C14orf39: variants seen among roughly 807,000 people sequenced by gnomAD.
C14orf39 encodes protein SIX6OS1.
C14orf39 carries 66 observed loss-of-function variants against 85.6 expected under a neutral mutation model. The observed-to-expected ratio is 0.77, with a 90% CI of 0.63 to 0.95. The LOEUF (loss-of-function observed/expected upper bound fraction) is 0.95, where lower values mean the gene tolerates loss of function less well. Among genes scored for constraint, C14orf39 ranks in the 40% least tolerant of loss-of-function variants. C14orf39 has a pLI of 0.00. For synonymous variants in C14orf39, 242 were observed against 214.0 expected (o/e 1.13, Z -1.14); for missense variants, 735 against 663.9 (o/e 1.11, Z -1.18).
chr14:60,497,013 T>C (rs929734566), intron 2 of C14orf39: 3 of 152,270 alleles, frequency 2.0e-5, no homozygotes, highest in African/African-American at 7.2e-5. Context: ...ATTCTTATCA[T>C]GGCCTACAGG....
chr14:60,484,419 G>C lies in C14orf39; in HGVS notation c.106+462C>G, dbSNP rs1347538201. 6.6e-6 allele frequency among the ~76,000 whole-genome samples: 1 copy of C among 152,042 alleles called. No homozygotes were observed. ...GAACTCTATTTTTTATAGTTGTTTT[G>C]TTGGATCTTAAAATACTATACAGTA... On this transcript the variant is annotated intron_variant, in intron 3 of 17. Coordinates refer to ENST00000321731, the MANE Select transcript of C14orf39 (RefSeq NM_174978.3). This position sits in a 1 kb window ranked among gnomAD's most constrained non-coding sequence, Gnocchi z 4.2.
At chr14:60,472,298 G>A (rs769672029) in intron 5 of C14orf39, among the ~76,000 whole-genome samples, 51 of 152,148 alleles carry the variant, frequency 3.4e-4, no homozygotes, top group Non-Finnish European at 4.3e-4. Flanking sequence ...TTTTATCACA[G>A]TTTAGAAGAA....
intron 16 of C14orf39, among the ~76,000 whole-genome samples, chr14:60,451,821 G>A (rs1891049734): frequency 1.3e-5 from 2 of 150,810 alleles, no homozygotes; most frequent in South Asian, 2.1e-4. Flanking sequence ...ATGTACCCTA[G>A]AACTTAAAGT....
chr14:60,436,939 A>G lies in C14orf39; in HGVS notation c.1670T>C (p.Phe557Ser). The G allele has an allele frequency of 1.2e-6, 2 of 1,612,938 alleles. No individual in the cohort carries two copies. Among genetic ancestry groups the G allele is most frequent in the South Asian group, 2.2e-5 (2 of 91,040 alleles). ...TGAATTTTGACCCTGTCCAAATGAA[A>G]ATGGAAAACTAAAATCATCTTTTCC... ...GAGKDDFSFP[F>S]SFGQGQNSIP... The change falls in exon 18 of 18, where the codon TTT becomes TCT. Residue 557 changes from phenylalanine (F) to serine (S), a missense_variant. Phe to Ser is a radical substitution (Grantham distance 155, BLOSUM62 -2). Transcript: ENST00000321731.
At position 60,457,986 on chromosome 14, in the gene C14orf39, A is replaced by T. The variant is rs113048068; in HGVS notation, c.1179+692T>A. Among the ~76,000 whole-genome samples the T allele has an allele frequency of 3.3e-3, 496 of 152,036 alleles. 1 individual carries two copies. Among genetic ancestry groups the T allele is most frequent in the African/African-American group, 0.01 (434 of 41,532 alleles). On this transcript the variant is annotated intron_variant, in intron 14 of 17. Transcript: ENST00000321731. ...TTTTGTATATGTTTTTTTAATTTTT[A>T]AAAAAATTTATTGATGCATAACTGT... is the stretch of plus-strand genomic sequence containing the variant.
Position 60,442,072 on chromosome 14 carries a change from A to C in C14orf39, c.1561+2T>G, listed in dbSNP as rs1198351608. 5 of 1,608,008 alleles carry C rather than the reference A, an allele frequency of 3.1e-6. No individual in the cohort carries two copies. The highest frequency in any genetic ancestry group is 4.3e-6 in the Non-Finnish European group (5 of 1,175,230). On this transcript the variant is annotated splice_donor_variant, in intron 17 of 17. Transcript: ENST00000321731. LOFTEE classifies it high-confidence loss of function. Reference sequence around the variant, plus strand: ...AAAGGTAGCAAACTTCAAACAACTTACCAATCTCTTGCTCTGATGACAGAG... The same window carrying C: ...AAAGGTAGCAAACTTCAAACAACTTCCCAATCTCTTGCTCTGATGACAGAG...
chr14:60,465,557 C>T (rs184507010), intron 11 of C14orf39, among the ~76,000 whole-genome samples: 52 of 152,146 alleles, frequency 3.4e-4, no homozygotes, highest in African/African-American at 9.4e-4. Flanking sequence ...ACTGAGGTAA[C>T]GCAACCAATT....
chr14:60,442,824 A>T (rs1295767893), intron 16 of C14orf39, among the ~76,000 whole-genome samples: 1 of 152,174 alleles, frequency 6.6e-6, no homozygotes. Context: ...GTTTTCTCAT[A>T]GATTTTATAA....
At chr14:60,495,917 G>A (rs1259532945) in intron 2 of C14orf39, 3 of 435,544 alleles carry the variant, frequency 6.9e-6, no homozygotes, top group African/African-American at 4.0e-5. Flanking sequence ...AGAGTCCAGG[G>A]TGTGAGGTAG....
At chr14:60,469,247 G>A (rs1891949118) in intron 8 of C14orf39, among the ~76,000 whole-genome samples, 1 of 149,104 alleles carries the variant, frequency 6.7e-6, no homozygotes, top group Non-Finnish European at 1.5e-5. Flanking sequence ...TCTCTCCTCA[G>A]ACCTCAAAGA....
At chr14:60,456,702 AGTATTAATAATTGTTAAAACAG>A (rs1362365014) in intron 15 of C14orf39, among the ~76,000 whole-genome samples, 193 bp downstream of exon 15, 5 of 152,112 alleles carry the variant, frequency 3.3e-5, no homozygotes, top group Admixed American at 2.6e-4. Context: ...GGAACAGCAG[AGTATTAATAATTGTTAAAACAG>A]GTATTAATAA....
intron 1 of C14orf39, chr14:60,509,622 A>C (rs1470067846): frequency 6.2e-7 from 1 of 1,613,700 alleles, no homozygotes; most frequent in Non-Finnish European, 8.5e-7. Flanking sequence ...CATATCCTGG[A>C]AAACCACAAG....
chr14:60,444,798 G>A (rs181705888), intron 16 of C14orf39, among the ~76,000 whole-genome samples: 21 of 152,310 alleles, frequency 1.4e-4, no homozygotes, highest in Admixed American at 8.5e-4. Context: ...GGCAGCCAGA[G>A]AGAAAGGTCG....
chr14:60,507,172 C>T (rs1280963335), intron 1 of C14orf39, among the ~76,000 whole-genome samples: 1 of 152,160 alleles, frequency 6.6e-6, no homozygotes, highest in African/African-American at 2.4e-5. Context: ...CAATAGCCGG[C>T]AAAGTAACCA....
At chr14:60,478,203 A>G in intron 5 of C14orf39, 97 bp downstream of exon 5, 1 of 279,000 alleles carries the variant, frequency 3.6e-6, no homozygotes, top group Non-Finnish European at 7.2e-6. Context: ...AAACTCCTTG[A>G]GTACAAAATG....
chr14:60,467,094 A>G (rs1284186484), intron 9 of C14orf39, 50 bp from the exon 10 acceptor site: 7 of 970,438 alleles, frequency 7.2e-6, no homozygotes, highest in Non-Finnish European at 6.8e-6. Flanking sequence ...TAAAATTAAC[A>G]TATTTTAAAG....
At chr14:60,458,969 T>C (rs965886198) in intron 13 of C14orf39, among the ~76,000 whole-genome samples, 2 of 151,622 alleles carry the variant, frequency 1.3e-5, no homozygotes, top group East Asian at 3.9e-4. Context: ...GGGAAAGAAA[T>C]ACAACATCAT....
chr14:60,463,798 G>A (rs149310117), intron 11 of C14orf39, among the ~76,000 whole-genome samples: 2 of 151,922 alleles, frequency 1.3e-5, no homozygotes, highest in Non-Finnish European at 1.5e-5. Flanking sequence ...GTCATTTTTG[G>A]TGAATATTGC....
chr14:60,471,927 T>C (rs1278315241), intron 5 of C14orf39, among the ~76,000 whole-genome samples, 188 bp from the exon 6 acceptor site: 1 of 152,032 alleles, frequency 6.6e-6, no homozygotes, highest in Non-Finnish European at 1.5e-5. Flanking sequence ...CTCTTTTTCT[T>C]CATTACCTGA....
Sources: allele counts gnomAD v4.1 joint callset (sites outside exome capture counted in the v4.1 genomes callset), GRCh38; gene constraint gnomAD v4.1.1; non-coding constraint Gnocchi (gnomAD v3.1); transcripts MANE v1.5; gene names NCBI Gene and HGNC (gene_info 2026-07-23, HGNC 2026-07-21).